ZNF217: variants seen among roughly 807,000 people sequenced by gnomAD.
ZNF217 encodes zinc finger protein 217.
A neutral mutation model predicts 73.3 loss-of-function variants in ZNF217; 12 were observed. The ratio of observed to expected loss-of-function variants is 0.16; its 90% CI spans 0.10 to 0.27. The LOEUF (loss-of-function observed/expected upper bound fraction) is 0.27. Among genes scored for constraint, ZNF217 ranks in the 10% least tolerant of loss-of-function variants. The probability of loss-of-function intolerance (pLI) is 1.00; values close to 1 mark genes in which losing one functional copy is unlikely to be tolerated. For synonymous variants in ZNF217, 588 were observed against 516.4 expected, an observed-to-expected ratio of 1.14 and a Z score of -1.88; for missense variants, 1,195 against 1,327.8, an observed-to-expected ratio of 0.90 and a Z score of 1.55.
At chr20:53,588,928 TGAA>T (rs1341039074) in intron 1 of ZNF217, among the ~76,000 whole-genome samples, 1 of 152,186 alleles carries the variant, frequency 6.6e-6, no homozygotes, top group Non-Finnish European at 1.5e-5. Context: ...ATTTATAAAC[TGAA>T]GAAAAACTCT....
At chr20:53,578,537 CAT>C in intron 2 of ZNF217, 87 bp from the exon 3 acceptor site, 1 of 834,760 alleles carries the variant, frequency 1.2e-6, no homozygotes, top group Non-Finnish European at 1.8e-6. Context: ...TTGACATAAA[CAT>C]TTTTGGAAAG....
Position 53,588,357 on chromosome 20 carries a change from TAAGGA to T in ZNF217, c.-342-5194_-342-5190del, listed in dbSNP as rs529816522. ...CCTGATCTGAAAAAAAGTTATAATA[TAAGGA>T]AAGTGAATTTTTAAAAACTTTAATT... On this transcript the variant is annotated intron_variant, in intron 1 of 5. Transcript: ENST00000371471. Among the ~76,000 whole-genome samples the T allele has an allele frequency of 8.2e-3, 1,250 of 152,106 alleles. 24 individuals are homozygous for T. Among genetic ancestry groups the T allele is most frequent in the African/African-American group, 0.029 (1,191 of 41,510 alleles).
intron 1 of ZNF217, among the ~76,000 whole-genome samples, chr20:53,592,744 G>C (rs1490309499): frequency 1.3e-5 from 2 of 151,386 alleles, no homozygotes; most frequent in Non-Finnish European, 2.9e-5. Flanking sequence ...CATCCCGTCC[G>C]GCTCGCAGTC....
At chr20:53,575,652 C>T (rs1988224425) in intron 4 of ZNF217, 75 bp downstream of exon 4, 1 of 1,400,632 alleles carries the variant, frequency 7.1e-7, no homozygotes. Context: ...GTGGTACCAT[C>T]TCCACTGAGA....
At chr20:53,580,508 A>C (rs1988444971) in intron 2 of ZNF217, among the ~76,000 whole-genome samples, 1 of 152,232 alleles carries the variant, frequency 6.6e-6, no homozygotes, top group Admixed American at 6.5e-5. Flanking sequence ...CTCTGATAGG[A>C]GAAGCTCTGG....
At position 53,582,691 on chromosome 20, in the gene ZNF217, C is replaced by T. The variant is rs1202335430; in HGVS notation, c.136G>A (p.Val46Ile). 6.2e-7 allele frequency: 1 copy of T among 1,614,016 alleles called. No homozygotes were observed. The highest frequency in any genetic ancestry group is 8.5e-7 in the Non-Finnish European group (1 of 1,180,026). The change falls in exon 2 of 6, where the codon GTT becomes ATT. Residue 46 changes from valine to isoleucine, a missense_variant. Coordinates refer to ENST00000371471, the MANE Select transcript of ZNF217 (RefSeq NM_006526.3). The surrounding 1 kb of genome is among the most constrained non-coding windows in gnomAD (Gnocchi z 4.8). Reference sequence around the variant, plus strand: ...TTTTCTTGTGTAGCTCGGAATGGAACAACAGCGGTCCCTTTCATTGACAAG... The same window carrying T: ...TTTTCTTGTGTAGCTCGGAATGGAATAACAGCGGTCCCTTTCATTGACAAG... ...DALSMKGTAV[V>I]PFRATQEKNV...
chr20:53,591,714 A>C (rs562130160), intron 1 of ZNF217, among the ~76,000 whole-genome samples: 13 of 152,262 alleles, frequency 8.5e-5, no homozygotes, highest in Non-Finnish European at 1.2e-4. Context: ...AGCACAAACT[A>C]GTGGCTTGCC....
intron 2 of ZNF217, among the ~76,000 whole-genome samples, chr20:53,579,396 G>C (rs1056781807): frequency 2.6e-5 from 4 of 152,124 alleles, no homozygotes; most frequent in Non-Finnish European, 4.4e-5. Flanking sequence ...AAATTTACTT[G>C]ATCTTCTTAA....
chr20:53,595,109 C>G (rs570838766), upstream of ZNF217, among the ~76,000 whole-genome samples: 9 of 148,244 alleles, frequency 6.1e-5, no homozygotes, highest in South Asian at 1.9e-3. Flanking sequence ...TCATTTAAAG[C>G]GTTTCCCAAA....
At chr20:53,592,699 T>A (rs991790238) in intron 1 of ZNF217, among the ~76,000 whole-genome samples, 1 of 151,346 alleles carries the variant, frequency 6.6e-6, no homozygotes, top group Non-Finnish European at 1.5e-5. Context: ...AAATCCAGCC[T>A]CCCGGGCCCC....
upstream of ZNF217, among the ~76,000 whole-genome samples, chr20:53,594,506 C>T (rs1245461749): frequency 6.6e-6 from 1 of 151,434 alleles, no homozygotes; most frequent in African/African-American, 2.4e-5. Flanking sequence ...CCAGTTCTCG[C>T]TCGGCGACTC....
At chr20:53,587,888 T>C (rs1419678848) in intron 1 of ZNF217, among the ~76,000 whole-genome samples, 2 of 150,934 alleles carry the variant, frequency 1.3e-5, no homozygotes, top group East Asian at 3.9e-4. Context: ...TTTTTTTATT[T>C]TTTATTTTTA....
At chr20:53,592,893 T>C (rs377140099) in intron 1 of ZNF217, among the ~76,000 whole-genome samples, 112 of 151,794 alleles carry the variant, frequency 7.4e-4, no homozygotes, top group African/African-American at 2.5e-3. Context: ...GGCTAGCATT[T>C]CAATCCTTCC....
upstream of ZNF217, among the ~76,000 whole-genome samples, chr20:53,595,469 G>C (rs151282579): frequency 0.013 from 1,979 of 152,308 alleles, 25 homozygotes; most frequent in South Asian, 0.069. Context: ...TTAATAAATA[G>C]GAAAAGGAAT....
Position 53,568,746 on chromosome 20 carries a change from A to G in ZNF217, c.*542T>C, listed in dbSNP as rs1987853301. 1 of 152,344 alleles carries G rather than the reference A, an allele frequency of 6.6e-6. No homozygotes were observed. 9.4% of individuals were successfully genotyped at this position (152,344 alleles called of 1,614,324 possible). Reference sequence around the variant, plus strand: ...TTCAACATAATACAAAATCATTGACAGTTTAAAAAAAAAAAAACATACATT... The same window carrying G: ...TTCAACATAATACAAAATCATTGACGGTTTAAAAAAAAAAAAACATACATT... On this transcript the variant is annotated 3_prime_UTR_variant, in exon 6 of 6. Transcript: ENST00000371471.
In ZNF217 at chr20:53,582,844, T is replaced by C. The variant is rs776903517; in HGVS notation, c.-18A>G. 3.2e-6 allele frequency: 5 copies of C among 1,571,596 alleles called. No homozygotes were observed. The highest frequency in any genetic ancestry group is 2.7e-5 in the African/African-American group (2 of 73,824). On this transcript the variant is annotated 5_prime_UTR_variant, in exon 2 of 6. Coordinates refer to ENST00000371471, the MANE Select transcript of ZNF217 (RefSeq NM_006526.3). This position sits in a 1 kb window ranked among gnomAD's most constrained non-coding sequence, Gnocchi z 4.8. Reference sequence around the variant, plus strand: ...GATTGCATATAATCTCAAAGTTCCGTTGGGCAATTTCTGGAGTTGGAATAA... The same window carrying C: ...GATTGCATATAATCTCAAAGTTCCGCTGGGCAATTTCTGGAGTTGGAATAA...
intron 1 of ZNF217, among the ~76,000 whole-genome samples, chr20:53,586,543 C>G (rs541175054): frequency 2.6e-5 from 4 of 152,302 alleles, no homozygotes; most frequent in African/African-American, 9.6e-5. Context: ...CTAGGGCTAT[C>G]TCTGACAGCA....
At chr20:53,592,114 G>C (rs377355693) in intron 1 of ZNF217, among the ~76,000 whole-genome samples, 73 of 152,252 alleles carry the variant, frequency 4.8e-4, no homozygotes, top group African/African-American at 1.7e-3. Context: ...ATCAGACCTA[G>C]GCTTCTTAAA....
chr20:53,588,331 T>C (rs533962235), intron 1 of ZNF217, among the ~76,000 whole-genome samples: 2 of 152,128 alleles, frequency 1.3e-5, no homozygotes, highest in African/African-American at 4.8e-5. Context: ...TTTAAAAACA[T>C]CCTGATCTGA....
Sources: gnomAD v4.1 joint callset for allele counts (sites outside exome capture counted in the v4.1 genomes callset) on GRCh38, gnomAD v4.1.1 for gene constraint, Gnocchi (gnomAD v3.1) non-coding constraint, MANE v1.5 for transcripts, NCBI Gene and HGNC (gene_info 2026-07-23, HGNC 2026-07-21) for gene names.